The following MGAT4C variants were observed in gnomAD, a reference collection of about 807,000 sequenced individuals.
MGAT4C encodes alpha-1,3-mannosyl-glycoprotein 4-beta-N-acetylglucosaminyltransferase C.
MGAT4C carries 19 observed loss-of-function variants against 40.1 expected under a neutral mutation model. The observed-to-expected ratio is 0.47, with a 90% CI of 0.33 to 0.70. MGAT4C has a LOEUF of 0.70. MGAT4C is among the 30% of genes least tolerant of loss of function. The pLI, the probability that MGAT4C is intolerant of heterozygous loss-of-function variation, is 0.02. For missense variants in MGAT4C, 491 were observed against 563.2 expected (o/e 0.87, Z 1.30); for synonymous variants, 181 against 187.1 (o/e 0.97, Z 0.27).
chr12:86,226,609 A>G (rs1044081398), intron 1 of MGAT4C, among the ~76,000 whole-genome samples: 7 of 151,948 alleles, frequency 4.6e-5, no homozygotes, highest in African/African-American at 1.7e-4. Context: ...CCCTCACCGC[A>G]ACCCAAATGA....
intron 2 of MGAT4C, among the ~76,000 whole-genome samples, chr12:86,676,553 C>G (rs1025758265): frequency 6.6e-6 from 1 of 152,070 alleles, no homozygotes; most frequent in Non-Finnish European, 1.5e-5. Flanking sequence ...AATACTGATG[C>G]TATATCTTGT....
chr12:86,083,491 T>C (rs1871224717), intron 1 of MGAT4C, among the ~76,000 whole-genome samples: 1 of 152,060 alleles, frequency 6.6e-6, no homozygotes. Flanking sequence ...CTTTCCTCAT[T>C]TCCTGTCATT....
intron 4 of MGAT4C, among the ~76,000 whole-genome samples, chr12:86,262,819 C>T (rs1952688195): frequency 6.6e-6 from 1 of 151,938 alleles, no homozygotes; most frequent in African/African-American, 2.4e-5. Flanking sequence ...AAAAGATAAG[C>T]CATTTTAATA....
intron 2 of MGAT4C, among the ~76,000 whole-genome samples, chr12:86,046,795 A>G (rs1399602268): frequency 6.6e-6 from 1 of 152,178 alleles, no homozygotes; most frequent in Non-Finnish European, 1.5e-5. Flanking sequence ...AGGCTACATG[A>G]TGTTTGATAT....
At chr12:86,826,647 G>T (rs994987706) in intron 1 of MGAT4C, among the ~76,000 whole-genome samples, 4 of 151,254 alleles carry the variant, frequency 2.6e-5, no homozygotes, top group Non-Finnish European at 5.9e-5. Flanking sequence ...AAATCCAACA[G>T]AAATCATGGT....
In MGAT4C at chr12:85,957,600, T is replaced by G. The variant is rs1285576271; in HGVS notation, c.*21689A>C. On this transcript the variant is annotated 3_prime_UTR_variant, in exon 5 of 5. Coordinates refer to ENST00000611864, the MANE Select transcript of MGAT4C (RefSeq NM_001351288.2). Reference sequence around the variant, plus strand: ...CCTTCTAGCTATGGCTGAAGATAGCTCTGTTATGTCAAATAAAACCACAGA... The same window carrying G: ...CCTTCTAGCTATGGCTGAAGATAGCGCTGTTATGTCAAATAAAACCACAGA... 2.0e-5 allele frequency: 3 copies of G among 148,326 alleles called. No homozygotes were observed. Among genetic ancestry groups the G allele is most frequent in the Non-Finnish European group, 4.4e-5 (3 of 67,606 alleles). 9.2% of individuals were successfully genotyped at this position (148,326 alleles called of 1,614,324 possible). A position where few individuals can be genotyped will look rare whatever the true frequency, so the allele number is the denominator to read the frequency against.
rs547633152 is a variant in MGAT4C at position 86,179,027 on chromosome 12, G to A, written c.-57+77212C>T. On this transcript the variant is annotated intron_variant, in intron 1 of 4. Transcript: ENST00000611864. ...GATTACACCTGAATATGGTTTGGCT[G>A]TGTCTCCAGCCAAATGTCAACTTGA... Among the ~76,000 whole-genome samples the A allele has an allele frequency of 3.3e-5, 5 of 152,162 alleles. No homozygotes were observed. The South Asian group carries it at 6.2e-4, about 19-fold the overall frequency.
rs534699032 is a variant in MGAT4C at position 86,683,517 on chromosome 12, C to T, written c.-229+43692G>A. The stretch of plus-strand genomic sequence containing the variant: ...CCCTGCCATTTGACAAATACTTGTT[C>T]AATCCAAACTAAATTATGTTTGGAT... On this transcript the variant is annotated intron_variant, in intron 2 of 7. Transcript: ENST00000548651. Among the ~76,000 whole-genome samples, 4 of 151,864 alleles carry T rather than the reference C, an allele frequency of 2.6e-5. No homozygotes were observed. The South Asian group carries it at 6.2e-4, about 24-fold the overall frequency.
intron 4 of MGAT4C, among the ~76,000 whole-genome samples, chr12:86,281,454 G>C (rs935932802): frequency 6.6e-6 from 1 of 151,670 alleles, no homozygotes; most frequent in African/African-American, 2.4e-5. Context: ...CTGTATCTCT[G>C]TATATGTATC....
chr12:86,508,006 C>T (rs1036255878), intron 2 of MGAT4C, among the ~76,000 whole-genome samples: 1 of 151,820 alleles, frequency 6.6e-6, no homozygotes, highest in Non-Finnish European at 1.5e-5. Context: ...TTAGTATGGA[C>T]ATTTTAAAAA....
At chr12:86,420,680 T>A (rs1441195082) in intron 3 of MGAT4C, among the ~76,000 whole-genome samples, 1 of 151,766 alleles carries the variant, frequency 6.6e-6, no homozygotes, top group South Asian at 2.1e-4. Flanking sequence ...AATATTATAG[T>A]TTGAAACAAT....
chr12:86,786,914 T>G (rs1951939751), intron 1 of MGAT4C, among the ~76,000 whole-genome samples: 1 of 152,294 alleles, frequency 6.6e-6, no homozygotes, highest in African/African-American at 2.4e-5. Flanking sequence ...TGTATTGAAC[T>G]GAATTAAATC....
At chr12:86,732,773 T>C (rs1950931056) in intron 1 of MGAT4C, among the ~76,000 whole-genome samples, 1 of 151,964 alleles carries the variant, frequency 6.6e-6, no homozygotes, top group East Asian at 1.9e-4. Flanking sequence ...GGCCCAGGGT[T>C]TGGAGACCCC....
intron 1 of MGAT4C, among the ~76,000 whole-genome samples, chr12:86,088,958 C>T (rs1050876995): frequency 9.2e-5 from 14 of 152,044 alleles, no homozygotes; most frequent in South Asian, 8.3e-4. Flanking sequence ...CTTATTTCAT[C>T]GAGGTGCACT....
chr12:86,398,628 T>C lies in MGAT4C; in HGVS notation c.-120+36529A>G, dbSNP rs958752798. The stretch of plus-strand genomic sequence containing the variant: ...TTGTTATGATGATGTTTGGGTGCTT[T>C]AGGTCTCATAAGCAGGCCTCAGGAA... On this transcript the variant is annotated intron_variant, in intron 3 of 7. Coordinates refer to the MGAT4C transcript ENST00000548651. 2.2e-4 allele frequency among the ~76,000 whole-genome samples: 33 copies of C among 152,102 alleles called. No individual in the cohort carries two copies. The Middle Eastern group carries it at 0.01, about 48-fold the overall frequency.
At chr12:86,228,899 C>A (rs1262879051) in intron 1 of MGAT4C, among the ~76,000 whole-genome samples, 2 of 151,810 alleles carry the variant, frequency 1.3e-5, no homozygotes, top group African/African-American at 4.8e-5. Flanking sequence ...TATCTACTAG[C>A]TGGTAAATGT....
At chr12:85,990,098 T>G (rs1398706592) in intron 2 of MGAT4C, among the ~76,000 whole-genome samples, 1 of 152,020 alleles carries the variant, frequency 6.6e-6, no homozygotes, top group Non-Finnish European at 1.5e-5. Flanking sequence ...TTTGAAAACT[T>G]CTGGGTTACA....
At chr12:86,083,191 T>A (rs1489379983) in intron 1 of MGAT4C, among the ~76,000 whole-genome samples, 3 of 152,056 alleles carry the variant, frequency 2.0e-5, no homozygotes, top group South Asian at 4.1e-4. Context: ...TTTACAAATT[T>A]TAAATATATC....
chr12:86,812,950 A>T (rs1952505561), intron 1 of MGAT4C, among the ~76,000 whole-genome samples: 1 of 152,080 alleles, frequency 6.6e-6, no homozygotes, highest in Non-Finnish European at 1.5e-5. Flanking sequence ...ATTCATTTCA[A>T]CATGGTGAAA....
Sources: allele counts gnomAD v4.1 joint callset (sites outside exome capture counted in the v4.1 genomes callset), GRCh38; gene constraint gnomAD v4.1.1; transcripts MANE v1.5; gene names NCBI Gene and HGNC (gene_info 2026-07-23, HGNC 2026-07-21).